RPTOR: variants seen among roughly 807,000 people sequenced by gnomAD.
RPTOR encodes the protein regulatory associated protein of MTOR complex 1.
Under a neutral mutation model 169.9 loss-of-function variants are expected in RPTOR, and 21 were observed. That is an observed-to-expected ratio of 0.12 (90% CI 0.09 to 0.18). The LOEUF (loss-of-function observed/expected upper bound fraction) is 0.18, where lower values mean the gene tolerates loss of function less well. Ranked by LOEUF, RPTOR falls within the 10% of genes least tolerant of loss-of-function variation. The pLI, the probability that RPTOR is intolerant of heterozygous loss-of-function variation, is 1.00. For synonymous variants in RPTOR, 732 were observed against 753.2 expected, an observed-to-expected ratio of 0.97 and a Z score of 0.46; for missense variants, 1,133 against 1,855.9, an observed-to-expected ratio of 0.61 and a Z score of 7.16.
At chr17:80,884,951 G>A (rs2143843801) in intron 16 of RPTOR, 57 bp from the exon 17 acceptor site, 5 of 1,562,708 alleles carry the variant, frequency 3.2e-6, no homozygotes, top group Non-Finnish European at 4.3e-6. Flanking sequence ...TGGCAGAAAG[G>A]CAGGCTGCAG....
At chr17:80,571,349 A>G (rs940268268) in intron 1 of RPTOR, among the ~76,000 whole-genome samples, 1 of 152,204 alleles carries the variant, frequency 6.6e-6, no homozygotes, top group African/African-American at 2.4e-5. Context: ...AATACAGAAA[A>G]CATCTATTTA....
At chr17:80,885,178 G>A (rs2068231113) in intron 17 of RPTOR, 30 bp downstream of exon 17, 4 of 1,546,518 alleles carry the variant, frequency 2.6e-6, no homozygotes, top group Non-Finnish European at 3.5e-6. Flanking sequence ...GGCAGCAGCA[G>A]GGCACCCAGG....
intron 2 of RPTOR, among the ~76,000 whole-genome samples, chr17:80,638,482 G>A (rs916692510): frequency 4.7e-4 from 67 of 141,396 alleles, no homozygotes; most frequent in African/African-American, 1.8e-3. Flanking sequence ...GCTCACTGTA[G>A]CCTCTACCTC....
At chr17:80,937,517 G>C (rs1323194922) in intron 24 of RPTOR, among the ~76,000 whole-genome samples, 1 of 152,172 alleles carries the variant, frequency 6.6e-6, no homozygotes, top group Non-Finnish European at 1.5e-5. Flanking sequence ...GCCTCTGTGG[G>C]AGGCTTCAGA....
intron 4 of RPTOR, among the ~76,000 whole-genome samples, chr17:80,729,181 G>T (rs185231718): frequency 2.8e-4 from 43 of 152,310 alleles, no homozygotes; most frequent in Middle Eastern, 3.4e-3. Context: ...ACTTCCCCAG[G>T]CTTTGCTGGA....
chr17:80,966,143 G>A lies in RPTOR; in HGVS notation c.*1813G>A, dbSNP rs1166352044. The stretch of plus-strand genomic sequence containing the variant: ...CCCCCCCCCGCCCCCGCTCCACCCT[G>A]GAGCCCACCCCCATGGGCACCGCGT... On this transcript the variant is annotated 3_prime_UTR_variant, in exon 34 of 34. Transcript: ENST00000306801. The A allele has an allele frequency of 4.4e-5, 6 of 135,494 alleles. No homozygotes were observed. The East Asian group carries it at 4.8e-4, about 11-fold the overall frequency. The allele number at this position is 135,494 out of a possible 1,614,324, so 8.4% of individuals were successfully genotyped here.
At chr17:80,890,121 T>C (rs955314831) in intron 17 of RPTOR, among the ~76,000 whole-genome samples, 2 of 151,822 alleles carry the variant, frequency 1.3e-5, no homozygotes, top group African/African-American at 4.8e-5. Flanking sequence ...CGCAGCAGGA[T>C]GTGTGTTCGG....
At chr17:80,677,792 C>T (rs2065871073) in intron 3 of RPTOR, among the ~76,000 whole-genome samples, 1 of 149,424 alleles carries the variant, frequency 6.7e-6, no homozygotes, top group African/African-American at 2.5e-5. Flanking sequence ...GAAAGATCTA[C>T]TCCTTTATTC....
chr17:80,819,502 C>T (rs780688310), intron 7 of RPTOR, among the ~76,000 whole-genome samples: 16 of 152,254 alleles, frequency 1.1e-4, no homozygotes, highest in Admixed American at 5.9e-4. Flanking sequence ...TCATTGGTTT[C>T]GGAGCGAATT....
At chr17:80,549,605 G>C (rs1289004145) in intron 1 of RPTOR, among the ~76,000 whole-genome samples, 2 of 152,320 alleles carry the variant, frequency 1.3e-5, no homozygotes, top group East Asian at 3.9e-4. Flanking sequence ...GAGCCACCGT[G>C]CCTGGTCTAA....
intron 6 of RPTOR, among the ~76,000 whole-genome samples, chr17:80,768,482 C>T (rs532598183): frequency 6.6e-6 from 1 of 152,294 alleles, no homozygotes; most frequent in South Asian, 2.1e-4. Context: ...CAGTTGGGCT[C>T]TCATAGCTAC....
intron 7 of RPTOR, chr17:80,805,556 G>A (rs2067209946): frequency 6.6e-6 from 1 of 152,194 alleles, no homozygotes; most frequent in African/African-American, 2.4e-5. Context: ...CTCAGGAAAG[G>A]TCTGTCTGAA....
chr17:80,835,373 G>C (rs570038945), intron 9 of RPTOR, among the ~76,000 whole-genome samples: 1 of 152,052 alleles, frequency 6.6e-6, no homozygotes, highest in Non-Finnish European at 1.5e-5. Context: ...AAATAACACA[G>C]AGTCCTCGAG....
intron 1 of RPTOR, among the ~76,000 whole-genome samples, chr17:80,587,220 A>G (rs1475683414): frequency 6.6e-6 from 1 of 152,106 alleles, no homozygotes; most frequent in Non-Finnish European, 1.5e-5. Context: ...CTTTTCTCAC[A>G]GTTTTATCAA....
At chr17:80,550,679 C>T (rs900521058) in intron 1 of RPTOR, among the ~76,000 whole-genome samples, 3 of 152,148 alleles carry the variant, frequency 2.0e-5, no homozygotes, top group Admixed American at 2.0e-4. Flanking sequence ...CTTTCCTCTC[C>T]CTCTCTTTAT....
At chr17:80,802,169 C>T (rs897220751) in intron 7 of RPTOR, 4 of 152,196 alleles carry the variant, frequency 2.6e-5, no homozygotes, top group African/African-American at 7.2e-5. Flanking sequence ...GGAGATCTTC[C>T]GTTTCCTTCA....
chr17:80,851,798 C>T (rs1270604904), intron 11 of RPTOR, among the ~76,000 whole-genome samples: 1 of 152,224 alleles, frequency 6.6e-6, no homozygotes, highest in Non-Finnish European at 1.5e-5. Context: ...CCTGGTAAAA[C>T]AGTAACAGGA....
chr17:80,864,537 A>G (rs1181804705), intron 13 of RPTOR, among the ~76,000 whole-genome samples: 2 of 151,772 alleles, frequency 1.3e-5, no homozygotes, highest in African/African-American at 2.4e-5. Flanking sequence ...CTAGAATTCT[A>G]TACCCACTGA....
chr17:80,753,917 A>G, intron 5 of RPTOR, 93 bp from the exon 6 acceptor site: 3 of 1,173,982 alleles, frequency 2.6e-6, no homozygotes, highest in South Asian at 2.8e-5. Context: ...GAGTTGATTT[A>G]TTCTTTCCTT....
Sources: allele counts gnomAD v4.1 joint callset (sites outside exome capture counted in the v4.1 genomes callset), GRCh38; gene constraint gnomAD v4.1.1; transcripts MANE v1.5; gene names NCBI Gene and HGNC (gene_info 2026-07-23, HGNC 2026-07-21).